Variants in IL36B observed in about 807,000 individuals in gnomAD.
IL36B encodes interleukin-36 beta.
Under a neutral mutation model 19.3 loss-of-function variants are expected in IL36B, and 23 were observed. That is an observed-to-expected ratio of 1.19 (90% CI 0.86 to 1.69). The LOEUF (loss-of-function observed/expected upper bound fraction) is 1.69, where lower values mean the gene tolerates loss of function less well. Among genes scored for constraint, IL36B ranks in the 40% most tolerant of loss-of-function variants. The probability of loss-of-function intolerance (pLI) is 0.00; values close to 1 mark genes in which losing one functional copy is unlikely to be tolerated. For synonymous variants in IL36B, 59 were observed against 59.7 expected (o/e 0.99, Z 0.05); for missense variants, 217 against 200.5 (o/e 1.08, Z -0.50).
intron 1 of IL36B, among the ~76,000 whole-genome samples, chr2:113,040,990 T>TA (rs200588299): frequency 1.3e-5 from 2 of 151,918 alleles, no homozygotes; most frequent in South Asian, 2.1e-4. Context: ...ACCCTGTCTC[T>TA]AAAAAAACAC....
At chr2:113,023,739 TC>T (rs1169338059) in intron 5 of IL36B, among the ~76,000 whole-genome samples, 4 of 152,202 alleles carry the variant, frequency 2.6e-5, no homozygotes, top group African/African-American at 9.7e-5. Flanking sequence ...TTTGAAGTAT[TC>T]TTTTTATAAT....
At position 113,030,546 on chromosome 2, in the gene IL36B, G is replaced by A. The variant is rs1685052289; in HGVS notation, c.121+502C>T. Among the ~76,000 whole-genome samples the A allele has an allele frequency of 2.0e-5, 3 of 152,174 alleles. No homozygotes were observed. The South Asian group carries it at 6.2e-4, about 31-fold the overall frequency. ...TAGAAAGGGTCCAGTAAACAAAGGT[G>A]GAATTTGCAGGGAAGCGAGGAATTA... On this transcript the variant is annotated intron_variant, in intron 3 of 5. Transcript: ENST00000259213.
intron 3 of IL36B, among the ~76,000 whole-genome samples, chr2:113,029,881 A>G (rs1314319839): frequency 6.6e-6 from 1 of 152,220 alleles, no homozygotes; most frequent in Non-Finnish European, 1.5e-5. Flanking sequence ...AAGGAGAGTC[A>G]TAAAAGAAAA....
At position 113,025,787 on chromosome 2, in the gene IL36B, C is replaced by A. The variant is rs114015981; in HGVS notation, c.391+316G>T. On this transcript the variant is annotated intron_variant, in intron 5 of 5. Coordinates refer to ENST00000259213, the MANE Select transcript of IL36B (RefSeq NM_014438.5). ...AGGAACATAGAGGGAAGAAATCCAA[C>A]GTGTTGGAGGTGGCTAGTTGAGAAA... 2.6e-5 allele frequency among the ~76,000 whole-genome samples: 4 copies of A among 152,176 alleles called. 1 individual carries two copies. The highest frequency in any genetic ancestry group is 4.4e-5 in the Non-Finnish European group (3 of 67,988).
rs1186780480 is a variant in IL36B, at chr2:113,048,500, T to A, written c.-58+4317A>T. ...GCTAAATTTGTGGGATACAACTAAA[T>A]CATGCTTGGAAAAATAGCATAAATG... On this transcript the variant is annotated intron_variant, in intron 1 of 5. Coordinates refer to ENST00000259213, the MANE Select transcript of IL36B (RefSeq NM_014438.5). Among the ~76,000 whole-genome samples, 4 of 152,094 alleles carry A rather than the reference T, an allele frequency of 2.6e-5. No homozygotes were observed. The East Asian group carries it at 7.7e-4, about 29-fold the overall frequency.
intron 1 of IL36B, among the ~76,000 whole-genome samples, chr2:113,043,748 T>C (rs1685299828): frequency 6.6e-6 from 1 of 152,172 alleles, no homozygotes; most frequent in Admixed American, 6.5e-5. Context: ...GAGAAGGGGT[T>C]TCACCATGTT....
rs1422770980 is a variant in IL36B at position 113,028,110 on chromosome 2, T to C, written c.261+829A>G. 1.9e-6 allele frequency: 3 copies of C among 1,613,760 alleles called. No homozygotes were observed. The South Asian group carries it at 3.3e-5, about 18-fold the overall frequency. On this transcript the variant is annotated intron_variant, in intron 4 of 5. Transcript: ENST00000259213. ...TCTCCACATACAGGTCCATGATATT[T>C]TTTTCCTGGGGGTGGAAAAGAGGCT...
In IL36B at chr2:113,031,055, A is replaced by G. The variant is rs1255569164; in HGVS notation, c.114T>C (p.Ile38=). 2 of 1,608,072 alleles carry G rather than the reference A, an allele frequency of 1.2e-6. No individual in the cohort carries two copies. The highest frequency in any genetic ancestry group is 2.7e-5 in the African/African-American group (2 of 74,740). The change falls in exon 3 of 6, where the codon ATT becomes ATC. Residue 38 remains isoleucine, a synonymous_variant. Transcript: ENST00000259213. ...GGTTTGATTGTCACTCACCAGGCTTAATGCTGCGGCTAAGAGGAGCTGCTA... is the reference window on the plus strand; with the variant it reads ...GGTTTGATTGTCACTCACCAGGCTTGATGCTGCGGCTAAGAGGAGCTGCTA...
chr2:113,039,234 C>A (rs1204374589), intron 1 of IL36B, among the ~76,000 whole-genome samples: 1 of 152,108 alleles, frequency 6.6e-6, no homozygotes, highest in Non-Finnish European at 1.5e-5. Flanking sequence ...CCTGCTCTTG[C>A]TTGACCCCTC....
intron 1 of IL36B, among the ~76,000 whole-genome samples, chr2:113,051,952 CT>C (rs200580226): frequency 0.018 from 2,545 of 143,426 alleles, 25 homozygotes; most frequent in Middle Eastern, 0.036. Context: ...TCCCTCTCTC[CT>C]TTTTTTTTTT....
At chr2:113,026,357 G>A (rs1684962246) in intron 4 of IL36B, 1 of 1,454,454 alleles carries the variant, frequency 6.9e-7, no homozygotes, top group Non-Finnish European at 9.2e-7. Context: ...TGGGGTTCAG[G>A]AGTATCCCAA....
In IL36B at chr2:113,048,376, A is replaced by C. The variant is rs1685383114; in HGVS notation, c.-58+4441T>G. ...AGAATTGCTTGAACCCGGGAGGCGA[A>C]GATTGCAGTGGACTGAGATCTCGCC... is the stretch of plus-strand genomic sequence containing the variant. On this transcript the variant is annotated intron_variant, in intron 1 of 5. Transcript: ENST00000259213. 2.0e-5 allele frequency among the ~76,000 whole-genome samples: 3 copies of C among 152,334 alleles called. 1 individual carries two copies. The South Asian group carries it at 6.2e-4, about 32-fold the overall frequency.
In IL36B at chr2:113,039,418, A is replaced by G. The variant is rs1428712970; in HGVS notation, c.-57-7652T>C. Among the ~76,000 whole-genome samples, 5 of 152,222 alleles carry G rather than the reference A, an allele frequency of 3.3e-5. No individual in the cohort carries two copies. The East Asian group carries it at 7.7e-4, about 23-fold the overall frequency. ...TAAAGTACTGATTAACTTTGTGTTT[A>G]GTTAAGTCAAGGAGAACTGATAAAA... On this transcript the variant is annotated intron_variant, in intron 1 of 5. Transcript: ENST00000259213.
intron 1 of IL36B, among the ~76,000 whole-genome samples, chr2:113,036,069 C>G (rs1396339461): frequency 6.6e-6 from 1 of 152,124 alleles, no homozygotes; most frequent in Non-Finnish European, 1.5e-5. Context: ...CTCAGCCTCC[C>G]AAGTAGCTGG....
intron 1 of IL36B, among the ~76,000 whole-genome samples, chr2:113,041,928 A>T (rs753481959): frequency 4.6e-5 from 7 of 152,170 alleles, no homozygotes; most frequent in South Asian, 2.1e-4. Context: ...GATGATGGTG[A>T]CGAGGTCTCA....
At chr2:113,029,984 G>A (rs1015496827) in intron 3 of IL36B, among the ~76,000 whole-genome samples, 3 of 152,312 alleles carry the variant, frequency 2.0e-5, no homozygotes, top group African/African-American at 7.2e-5. Context: ...TGTAATCCCA[G>A]CACTTTGGGA....
chr2:113,039,763 C>A (rs1330216403), intron 1 of IL36B, among the ~76,000 whole-genome samples: 1 of 152,196 alleles, frequency 6.6e-6, no homozygotes, highest in Non-Finnish European at 1.5e-5. Context: ...TTAAAAGAGA[C>A]CTTCTTAAAA....
chr2:113,046,416 A>G (rs762233255), intron 1 of IL36B, among the ~76,000 whole-genome samples: 10 of 152,050 alleles, frequency 6.6e-5, no homozygotes, highest in Non-Finnish European at 1.3e-4. Flanking sequence ...TCACCATGTT[A>G]GCCAGTATGG....
chr2:113,047,557 C>T (rs1015727594), intron 1 of IL36B, among the ~76,000 whole-genome samples: 1 of 152,144 alleles, frequency 6.6e-6, no homozygotes, highest in Non-Finnish European at 1.5e-5. Flanking sequence ...ACCTGAGAAG[C>T]ATTTAGTTTA....
Sources: gnomAD v4.1 joint callset for allele counts (sites outside exome capture counted in the v4.1 genomes callset) on GRCh38, gnomAD v4.1.1 for gene constraint, MANE v1.5 for transcripts, NCBI Gene and HGNC (gene_info 2026-07-23, HGNC 2026-07-21) for gene names.